The following RABGAP1L variants were observed in gnomAD, a reference collection of about 807,000 sequenced individuals.
RABGAP1L encodes RAB GTPase activating protein 1 like, also known as rab GTPase-activating protein 1-like.
Under a neutral mutation model 137.7 loss-of-function variants are expected in RABGAP1L, and 63 were observed. That is an observed-to-expected ratio of 0.46 (90% CI 0.37 to 0.56). The LOEUF (loss-of-function observed/expected upper bound fraction) is 0.56. Among genes scored for constraint, RABGAP1L ranks in the 20% least tolerant of loss-of-function variants. The pLI is 0.00. For missense variants in RABGAP1L, 1,095 were observed against 1,244.0 expected (o/e 0.88, Z 1.80); for synonymous variants, 431 against 433.7 (o/e 0.99, Z 0.08).
intron 19 of RABGAP1L, among the ~76,000 whole-genome samples, chr1:174,885,712 A>T (rs1338173084): frequency 6.6e-6 from 1 of 151,988 alleles, no homozygotes; most frequent in Non-Finnish European, 1.5e-5. Flanking sequence ...TCACGCCTGT[A>T]ATCCCAGCAC....
chr1:174,349,047 G>GGGGC lies in RABGAP1L; in HGVS notation c.1466-21929_1466-21928insCGGG, dbSNP rs1377804375. On this transcript the variant is annotated intron_variant, in intron 11 of 25. Coordinates refer to ENST00000681986, the MANE Select transcript of RABGAP1L (RefSeq NM_001366446.1). ...CCGGACAGGGCGGCTGGCCGGGCGG[G>GGGGC]GGGGGGGCTGACCCCCCCCACCTCC... Among the ~76,000 whole-genome samples, 46 of 139,158 alleles carry GGGGC rather than the reference G, an allele frequency of 3.3e-4. 1 individual carries two copies. The highest frequency in any genetic ancestry group is 1.0e-3 in the African/African-American group (38 of 36,874). The allele number at this position is 139,158 out of a possible 152,430, so 91.3% of individuals were successfully genotyped here.
intron 18 of RABGAP1L, among the ~76,000 whole-genome samples, chr1:174,797,722 T>TGTGTGG (rs1274444349): frequency 5.5e-5 from 8 of 145,940 alleles, no homozygotes; most frequent in Non-Finnish European, 1.1e-4. Context: ...TGGTGTGTGG[T>TGTGTGG]GTGTGGGTGT....
chr1:174,412,685 G>T (rs918737835), intron 13 of RABGAP1L, among the ~76,000 whole-genome samples: 1 of 151,940 alleles, frequency 6.6e-6, no homozygotes, highest in Non-Finnish European at 1.5e-5. Context: ...GCACTTGCTC[G>T]TCTGAAAAAG....
chr1:174,263,223 T>C (rs1351648618), intron 7 of RABGAP1L, among the ~76,000 whole-genome samples: 2 of 152,210 alleles, frequency 1.3e-5, no homozygotes, highest in African/African-American at 4.8e-5. Context: ...GTGCCTGTGG[T>C]CTAGCTTTGC....
At chr1:174,469,980 C>T (rs1272534559) in intron 13 of RABGAP1L, among the ~76,000 whole-genome samples, 2 of 152,038 alleles carry the variant, frequency 1.3e-5, no homozygotes, top group African/African-American at 4.8e-5. Flanking sequence ...TTTTTCAGGT[C>T]TACAAGAGCA....
intron 19 of RABGAP1L, among the ~76,000 whole-genome samples, chr1:174,838,415 AC>A (rs1365911192): frequency 6.6e-6 from 1 of 152,176 alleles, no homozygotes; most frequent in Non-Finnish European, 1.5e-5. Flanking sequence ...ATATTGCATG[AC>A]TTTACCATCT....
chr1:174,329,949 C>CAA (rs60754983), intron 11 of RABGAP1L, among the ~76,000 whole-genome samples: 4 of 142,440 alleles, frequency 2.8e-5, no homozygotes, highest in Admixed American at 2.1e-4. Context: ...TGGTCTCCTG[C>CAA]AAAAAAAAAA....
intron 19 of RABGAP1L, among the ~76,000 whole-genome samples, chr1:174,834,137 A>G (rs1692472641): frequency 6.6e-6 from 1 of 152,178 alleles, no homozygotes; most frequent in Non-Finnish European, 1.5e-5. Context: ...ATATAGAAGT[A>G]AATTCTAGGC....
chr1:174,973,359 CTTTTCTTTTCT>C (rs1224112123), intron 21 of RABGAP1L, among the ~76,000 whole-genome samples: 1 of 150,310 alleles, frequency 6.7e-6, no homozygotes, highest in Non-Finnish European at 1.5e-5. Flanking sequence ...GTTTTTCCCC[CTTTTCTTTTCT>C]TTTTCTTTCA....
At chr1:174,201,260 A>AT (rs746379130) in intron 1 of RABGAP1L, among the ~76,000 whole-genome samples, 3,868 of 139,910 alleles carry the variant, frequency 0.028, 185 homozygotes, top group African/African-American at 0.091. Flanking sequence ...CAGTGTAGAA[A>AT]TTTTTTTTTT....
At chr1:174,469,677 G>A (rs1231650503) in intron 13 of RABGAP1L, among the ~76,000 whole-genome samples, 5 of 152,154 alleles carry the variant, frequency 3.3e-5, no homozygotes, top group Non-Finnish European at 7.4e-5. Context: ...TTAAGTTCCA[G>A]AGTAGTCAGT....
chr1:174,656,506 AT>A lies in RABGAP1L; in HGVS notation c.1824+19021del, dbSNP rs1322123449. Among the ~76,000 whole-genome samples, 7 of 152,344 alleles carry A rather than the reference AT, an allele frequency of 4.6e-5. No individual in the cohort carries two copies. In the South Asian group the frequency reaches 1.2e-3, roughly 27 times the overall value. ...AATGTACAATTCATTGAGTTTTAGA[AT>A]TTACAGAGTTGTGCAACCATTACTA... On this transcript the variant is annotated intron_variant, in intron 14 of 25. Transcript: ENST00000681986.
intron 19 of RABGAP1L, among the ~76,000 whole-genome samples, chr1:174,840,634 C>CAAAAAAAAA (rs571457207): frequency 8.8e-6 from 1 of 113,420 alleles, no homozygotes; most frequent in African/African-American, 3.5e-5. Context: ...ACTAAAAATA[C>CAAAAAAAAA]AAAAAAAAAA....
intron 19 of RABGAP1L, among the ~76,000 whole-genome samples, chr1:174,946,930 ATATATATATATG>A (rs1312215026): frequency 1.2e-4 from 9 of 73,434 alleles, no homozygotes; most frequent in East Asian, 5.9e-4. Context: ...ATATATATAT[ATATATATATATG>A]TGTGTGTGTG....
chr1:174,849,150 C>T (rs1483261107), intron 19 of RABGAP1L, among the ~76,000 whole-genome samples: 1 of 152,154 alleles, frequency 6.6e-6, no homozygotes, highest in Non-Finnish European at 1.5e-5. Flanking sequence ...TGAGATGAAC[C>T]CGGTACCTCA....
At chr1:174,618,018 C>T (rs1192384378) in intron 13 of RABGAP1L, among the ~76,000 whole-genome samples, 1 of 152,222 alleles carries the variant, frequency 6.6e-6, no homozygotes, top group Admixed American at 6.5e-5. Flanking sequence ...CTTGGAGGGT[C>T]CTATGCCCAC....
chr1:174,614,835 C>A (rs967682659), intron 13 of RABGAP1L, among the ~76,000 whole-genome samples: 4 of 152,184 alleles, frequency 2.6e-5, no homozygotes, highest in African/African-American at 9.6e-5. Flanking sequence ...ATTTGATCTT[C>A]CATCACTGAT....
chr1:174,317,315 A>T (rs1357493384), intron 11 of RABGAP1L, among the ~76,000 whole-genome samples: 1 of 152,066 alleles, frequency 6.6e-6, no homozygotes, highest in African/African-American at 2.4e-5. Flanking sequence ...GTACCTGGGT[A>T]TCACTGCTGG....
At chr1:174,354,969 G>A (rs1467327276) in intron 11 of RABGAP1L, among the ~76,000 whole-genome samples, 1 of 152,190 alleles carries the variant, frequency 6.6e-6, no homozygotes, top group Non-Finnish European at 1.5e-5. Flanking sequence ...TCAGATGGTT[G>A]TAGATAAGGA....
Sources: allele counts gnomAD v4.1 joint callset (sites outside exome capture counted in the v4.1 genomes callset), GRCh38; gene constraint gnomAD v4.1.1; transcripts MANE v1.5; gene names NCBI Gene and HGNC (gene_info 2026-07-23, HGNC 2026-07-21).